CCDC175: variants seen among roughly 807,000 people sequenced by gnomAD.
CCDC175 encodes coiled-coil domain containing 175.
CCDC175 carries 100 observed loss-of-function variants against 114.6 expected under a neutral mutation model. The observed-to-expected ratio is 0.87, with a 90% CI of 0.74 to 1.03. The LOEUF (loss-of-function observed/expected upper bound fraction) is 1.03. Ranked by LOEUF, CCDC175 falls within the 50% of genes least tolerant of loss-of-function variation. The pLI is 0.00. For synonymous variants in CCDC175, 306 were observed against 308.7 expected (o/e 0.99, Z 0.09); for missense variants, 880 against 917.8 (o/e 0.96, Z 0.53).
chr14:59,553,529 A>G (rs1895664839), intron 7 of CCDC175, among the ~76,000 whole-genome samples: 1 of 152,254 alleles, frequency 6.6e-6, no homozygotes, highest in South Asian at 2.1e-4. Flanking sequence ...TGTAAAGACC[A>G]TCGAGGCTAG....
chr14:59,551,404 T>C lies in CCDC175; in HGVS notation c.986A>G (p.Asp329Gly). Reference sequence around the variant, plus strand: ...ATTTTTTTCATCATTAGATATATCATCTAGTTTTTCTTTGTTATCTGTGAA... The same window carrying C: ...ATTTTTTTCATCATTAGATATATCACCTAGTTTTTCTTTGTTATCTGTGAA... ...CFFTDNKEKL[D>G]DISNDEKNEF... Residue 329 changes from aspartate to glycine, a missense_variant, in exon 8 of 20, where the codon GAT becomes GGT. Physicochemically the swap from Asp to Gly is moderately conservative, Grantham distance 94 (BLOSUM62 -1). Transcript: ENST00000537690. The C allele has an allele frequency of 6.9e-7, 1 of 1,459,176 alleles. No individual in the cohort carries two copies. The highest frequency in any genetic ancestry group is 9.2e-7 in the Non-Finnish European group (1 of 1,091,610). 90.4% of individuals were successfully genotyped at this position (1,459,176 alleles called of 1,614,324 possible). A position where few individuals can be genotyped will look rare whatever the true frequency, so the allele number is the denominator to read the frequency against.
intron 17 of CCDC175, among the ~76,000 whole-genome samples, chr14:59,517,494 G>A (rs374453833): frequency 1.3e-5 from 2 of 152,240 alleles, no homozygotes; most frequent in African/African-American, 2.4e-5. Flanking sequence ...AAATCAATGT[G>A]CAAAAATCAC....
chr14:59,566,760 C>T (rs566032936), intron 4 of CCDC175, among the ~76,000 whole-genome samples: 88 of 152,296 alleles, frequency 5.8e-4, no homozygotes, highest in African/African-American at 2.1e-3. Context: ...AGGAGACATA[C>T]CCACCACCTG....
At chr14:59,508,565 C>CACAA (rs1892575734) in intron 19 of CCDC175, among the ~76,000 whole-genome samples, 1 of 74,578 alleles carries the variant, frequency 1.3e-5, no homozygotes, top group Non-Finnish European at 2.4e-5. Context: ...GGCCCTGTCT[C>CACAA]AAAAAAAAAA....
At chr14:59,568,636 C>T (rs8008450) in intron 3 of CCDC175, among the ~76,000 whole-genome samples, 47,082 of 151,878 alleles carry the variant, frequency 0.31, 7,735 homozygotes, top group African/African-American at 0.41. Context: ...GATTCCCGCC[C>T]GTTCCATGCA....
At chr14:59,562,313 T>TGA (rs10639261) in intron 6 of CCDC175, among the ~76,000 whole-genome samples, 149,050 of 152,284 alleles carry the variant, frequency 0.98, 73,026 homozygotes, top group East Asian at 1. Flanking sequence ...ACGTCCCATG[T>TGA]GAGTTAATCT....
chr14:59,523,816 C>T (rs933111783), intron 16 of CCDC175, among the ~76,000 whole-genome samples: 19 of 152,074 alleles, frequency 1.2e-4, no homozygotes, highest in South Asian at 2.1e-4. Context: ...GGTGAAACCC[C>T]GTCTCTACTA....
chr14:59,528,754 C>T (rs564857839), intron 14 of CCDC175, among the ~76,000 whole-genome samples: 1 of 152,174 alleles, frequency 6.6e-6, no homozygotes, highest in Non-Finnish European at 1.5e-5. Context: ...TTTTCCTCAT[C>T]TCTTTTTGTT....
chr14:59,538,654 T>C (rs1042216541), intron 12 of CCDC175, 51 bp downstream of exon 12: 2 of 1,373,254 alleles, frequency 1.5e-6, no homozygotes, highest in Middle Eastern at 2.4e-4. Flanking sequence ...AAAGGAGAAT[T>C]GCTGATATGC....
Position 59,565,146 on chromosome 14 carries a change from T to G in CCDC175, c.621A>C (p.Glu207Asp), listed in dbSNP as rs1566635835. 3.3e-6 allele frequency: 5 copies of G among 1,537,806 alleles called. No homozygotes were observed. Among genetic ancestry groups the G allele is most frequent in the Non-Finnish European group, 4.4e-6 (5 of 1,147,046 alleles). The change falls in exon 5 of 20, where the codon GAA becomes GAC. Residue 207 changes from glutamate to aspartate, a missense_variant. Physicochemically the swap from Glu to Asp is conservative, Grantham distance 45. Transcript: ENST00000537690. The part of the protein sequence containing the change: ...ETYTKINLKR[E>D]DIALQKKCIQ... Reference sequence around the variant, plus strand: ...TACATTTTTTTTGCAATGCTATGTCTTCTCTCTTCAAGTTTATTTTGGTAT... The same window carrying G: ...TACATTTTTTTTGCAATGCTATGTCGTCTCTCTTCAAGTTTATTTTGGTAT...
At chr14:59,538,675 A>T in intron 12 of CCDC175, 30 bp downstream of exon 12, 1 of 1,505,386 alleles carries the variant, frequency 6.6e-7, no homozygotes, top group Non-Finnish European at 8.9e-7. Context: ...AATGTAGGGG[A>T]CTAATTCTAA....
At chr14:59,505,350 T>A in intron 19 of CCDC175, 35 bp from the exon 20 acceptor site, 1 of 1,209,066 alleles carries the variant, frequency 8.3e-7, no homozygotes, top group Non-Finnish European at 1.1e-6. Flanking sequence ...AAAATTTTAT[T>A]TGTATTGCAC....
intron 7 of CCDC175, among the ~76,000 whole-genome samples, chr14:59,555,141 G>C (rs1021408322): frequency 2.0e-5 from 3 of 152,132 alleles, no homozygotes; most frequent in Admixed American, 1.3e-4. Flanking sequence ...TGATACCAAA[G>C]CCTGGCAGAG....
At chr14:59,574,892 G>A (rs1052779025) in intron 2 of CCDC175, 51 bp downstream of exon 2, 1 of 1,001,286 alleles carries the variant, frequency 1.0e-6, no homozygotes, top group Admixed American at 2.6e-5. Context: ...ATGAAAGTTT[G>A]AAGAAATATG....
At chr14:59,552,037 TG>T (rs555875426) in intron 7 of CCDC175, among the ~76,000 whole-genome samples, 29 of 152,216 alleles carry the variant, frequency 1.9e-4, no homozygotes, top group South Asian at 4.1e-4. Flanking sequence ...GCTCCAACTC[TG>T]GGGGCAGGAC....
intron 19 of CCDC175, among the ~76,000 whole-genome samples, chr14:59,505,711 G>C (rs538610370): frequency 6.6e-6 from 1 of 152,116 alleles, no homozygotes; most frequent in Non-Finnish European, 1.5e-5. Flanking sequence ...TTGTTAAAAC[G>C]TGGTCATAAG....
At chr14:59,509,433 C>T (rs754504199) in intron 19 of CCDC175, among the ~76,000 whole-genome samples, 6 of 152,170 alleles carry the variant, frequency 3.9e-5, no homozygotes, top group Non-Finnish European at 7.4e-5. Context: ...GCCACTGAAA[C>T]GTTATTTCTT....
chr14:59,542,599 T>C (rs1044868082), intron 10 of CCDC175, among the ~76,000 whole-genome samples: 2 of 152,082 alleles, frequency 1.3e-5, no homozygotes, highest in Non-Finnish European at 2.9e-5. Context: ...ATAATGTGTA[T>C]TATACTATAA....
chr14:59,550,455 G>A lies in CCDC175; in HGVS notation c.1035+900C>T, dbSNP rs112177654. On this transcript the variant is annotated intron_variant, in intron 8 of 19. Transcript: ENST00000537690. ...GAAAAATGTCTAGTGAATTTTCCTG[G>A]GGGCTAAATCTGACTCAAATACTTC... is the stretch of plus-strand genomic sequence containing the variant. 2.1e-3 allele frequency among the ~76,000 whole-genome samples: 320 copies of A among 151,802 alleles called. 1 individual carries two copies. Among genetic ancestry groups the A allele is most frequent in the African/African-American group, 6.9e-3 (287 of 41,344 alleles).
Sources: allele counts gnomAD v4.1 joint callset (sites outside exome capture counted in the v4.1 genomes callset), GRCh38; gene constraint gnomAD v4.1.1; transcripts MANE v1.5; gene names NCBI Gene and HGNC (gene_info 2026-07-23, HGNC 2026-07-21).